Variants in CDH12 observed in about 807,000 individuals in gnomAD.
CDH12 encodes cadherin-12.
CDH12 carries 41 observed loss-of-function variants against 74.1 expected under a neutral mutation model. The ratio of observed to expected loss-of-function variants is 0.55; its 90% CI spans 0.43 to 0.72. The LOEUF (loss-of-function observed/expected upper bound fraction) is 0.72. Among genes scored for constraint, CDH12 ranks in the 30% least tolerant of loss-of-function variants. The pLI is 0.00. For synonymous variants in CDH12, 399 were observed against 355.0 expected (o/e 1.12, Z -1.39); for missense variants, 945 against 977.2 (o/e 0.97, Z 0.44).
intron 3 of CDH12, among the ~76,000 whole-genome samples, chr5:22,298,089 G>C (rs999302788): frequency 6.6e-6 from 1 of 150,760 alleles, no homozygotes; most frequent in African/African-American, 2.4e-5. Flanking sequence ...ACCTCATTTT[G>C]TGCTGATGCC....
intron 2 of CDH12, among the ~76,000 whole-genome samples, chr5:22,443,502 T>C (rs2126545951): frequency 6.6e-6 from 1 of 152,260 alleles, no homozygotes; most frequent in South Asian, 2.1e-4. Context: ...CAATGTAAGA[T>C]TTTTAAAACA....
chr5:22,290,688 G>T (rs1737347425), intron 3 of CDH12, among the ~76,000 whole-genome samples: 1 of 152,114 alleles, frequency 6.6e-6, no homozygotes, highest in African/African-American at 2.4e-5. Context: ...AGTCATAGGG[G>T]TCATTAAAAC....
At chr5:22,794,164 C>T (rs554774609) in intron 1 of CDH12, among the ~76,000 whole-genome samples, 6 of 152,222 alleles carry the variant, frequency 3.9e-5, no homozygotes, top group South Asian at 2.1e-4. Flanking sequence ...AATAACCACA[C>T]GGTTTATGCA....
At chr5:21,974,975 T>C (rs1561340711) in intron 6 of CDH12, 116 bp downstream of exon 6, 1 of 744,984 alleles carries the variant, frequency 1.3e-6, no homozygotes, top group Non-Finnish European at 2.2e-6. Context: ...AACTGTATTT[T>C]CTAGAATTGA....
At chr5:21,921,815 A>G (rs1488205020) in intron 6 of CDH12, among the ~76,000 whole-genome samples, 1 of 152,330 alleles carries the variant, frequency 6.6e-6, no homozygotes. Flanking sequence ...CAGGAGAGAC[A>G]TGGAAGACTG....
At chr5:22,648,755 T>C (rs1219062221) in intron 1 of CDH12, among the ~76,000 whole-genome samples, 1 of 146,344 alleles carries the variant, frequency 6.8e-6, no homozygotes, top group Non-Finnish European at 1.5e-5. Context: ...AGATTGCTTA[T>C]TATTTATGCA....
At chr5:22,063,988 T>TACACACACAC (rs10552100) in intron 5 of CDH12, among the ~76,000 whole-genome samples, 1 of 146,764 alleles carries the variant, frequency 6.8e-6, no homozygotes, top group African/African-American at 2.5e-5. Flanking sequence ...ATTATGGAGA[T>TACACACACAC]ACACACACAC....
chr5:21,819,980 G>A (rs1240920595), intron 8 of CDH12, among the ~76,000 whole-genome samples: 1 of 151,992 alleles, frequency 6.6e-6, no homozygotes, highest in Non-Finnish European at 1.5e-5. Context: ...AAAAGCAAAA[G>A]TAAAGGAAAT....
intron 3 of CDH12, among the ~76,000 whole-genome samples, chr5:22,402,402 G>T (rs116834124): frequency 1.3e-5 from 2 of 152,224 alleles, no homozygotes; most frequent in Non-Finnish European, 2.9e-5. Flanking sequence ...ACAAGTTATT[G>T]TAAACTGTAA....
chr5:22,044,649 C>T (rs916950263), intron 5 of CDH12, among the ~76,000 whole-genome samples: 6 of 152,266 alleles, frequency 3.9e-5, no homozygotes, highest in Middle Eastern at 3.4e-3. Context: ...CGCATAGAAA[C>T]AAATCCACAT....
At position 21,860,523 on chromosome 5, in the gene CDH12, T is replaced by C. The variant is rs560177860; in HGVS notation, c.527-5733A>G. On this transcript the variant is annotated intron_variant, in intron 6 of 14. Coordinates refer to ENST00000382254, the MANE Select transcript of CDH12 (RefSeq NM_004061.5). ...TTACTGGATGTGTCTGTGAGGTTGTTGCCAAAGGAGATTAACATTTGAGTC... is the reference window on the plus strand; with the variant it reads ...TTACTGGATGTGTCTGTGAGGTTGTCGCCAAAGGAGATTAACATTTGAGTC... 2.6e-5 allele frequency among the ~76,000 whole-genome samples: 4 copies of C among 152,150 alleles called. No individual in the cohort carries two copies. In the South Asian group the frequency reaches 8.3e-4, roughly 32 times the overall value.
At chr5:21,825,165 A>C (rs973137098) in intron 8 of CDH12, among the ~76,000 whole-genome samples, 4 of 151,782 alleles carry the variant, frequency 2.6e-5, no homozygotes, top group Non-Finnish European at 5.9e-5. Flanking sequence ...AAAAAAAAAA[A>C]AAAGAAAAAA....
In CDH12 at chr5:22,796,642, C is replaced by T. The variant is rs1161359479; in HGVS notation, c.-523+56416G>A. On this transcript the variant is annotated intron_variant, in intron 1 of 14. Transcript: ENST00000382254. ...TCACGCCATTCTCCTGCCTCAGCCT[C>T]CCAAGTAGCTGGGACTACAGGCGCC... Among the ~76,000 whole-genome samples, 2 of 130,820 alleles carry T rather than the reference C, an allele frequency of 1.5e-5. 1 individual carries two copies. The highest frequency in any genetic ancestry group is 3.2e-5 in the Non-Finnish European group (2 of 63,352). 85.8% of individuals were successfully genotyped at this position (130,820 alleles called of 152,430 possible).
chr5:22,698,710 TATATATATATATATATATATATATA>T (rs1223316592), intron 1 of CDH12, among the ~76,000 whole-genome samples: 364 of 13,408 alleles, frequency 0.027, 25 homozygotes, highest in African/African-American at 0.061. Context: ...TATATATATA[TATATATATATATATATATATATATA>T]GTGTGTGTGT....
In CDH12 at chr5:21,865,745, G is replaced by A. The variant is rs550950820; in HGVS notation, c.527-10955C>T. Among the ~76,000 whole-genome samples, 19 of 152,248 alleles carry A rather than the reference G, an allele frequency of 1.2e-4. No individual in the cohort carries two copies. The South Asian group carries it at 3.9e-3, about 32-fold the overall frequency. ...AAGATCATGGTAGCTTTCACCTAGA[G>A]TTAAAAGAATGTCACAGAAACCCTG... On this transcript the variant is annotated intron_variant, in intron 6 of 14. Transcript: ENST00000382254.
chr5:22,189,792 C>T (rs1320573153), intron 4 of CDH12, among the ~76,000 whole-genome samples: 2 of 152,092 alleles, frequency 1.3e-5, no homozygotes, highest in Admixed American at 6.6e-5. Context: ...CATGCAATGG[C>T]TTGAGATCTG....
intron 2 of CDH12, among the ~76,000 whole-genome samples, chr5:22,482,743 G>A (rs548593299): frequency 3.9e-5 from 6 of 151,990 alleles, no homozygotes; most frequent in Non-Finnish European, 5.9e-5. Context: ...ACTCACTATC[G>A]TATGTTAAGC....
intron 3 of CDH12, among the ~76,000 whole-genome samples, chr5:22,287,315 T>C (rs1273797123): frequency 6.6e-6 from 1 of 152,176 alleles, no homozygotes; most frequent in Non-Finnish European, 1.5e-5. Context: ...GGTAACTTGA[T>C]ACTATATTTG....
At position 22,700,985 on chromosome 5, in the gene CDH12, C is replaced by G. The variant is rs562391989; in HGVS notation, c.-523+152073G>C. Among the ~76,000 whole-genome samples, 4 of 152,214 alleles carry G rather than the reference C, an allele frequency of 2.6e-5. No individual in the cohort carries two copies. The South Asian group carries it at 8.3e-4, about 32-fold the overall frequency. ...GGATTTCTTCCTTTTCCTCTGATTA[C>G]TCTTCCTTTATTTTACCAGTTTATC... On this transcript the variant is annotated intron_variant, in intron 1 of 14. Transcript: ENST00000382254.
Sources: gnomAD v4.1 joint callset for allele counts (sites outside exome capture counted in the v4.1 genomes callset) on GRCh38, gnomAD v4.1.1 for gene constraint, MANE v1.5 for transcripts, NCBI Gene and HGNC (gene_info 2026-07-23, HGNC 2026-07-21) for gene names.